The following NOX3 variants were observed in gnomAD, a reference collection of about 807,000 sequenced individuals.
NOX3 encodes the protein NADPH oxidase catalytic subunit-like 3.
A neutral mutation model predicts 76.7 loss-of-function variants in NOX3; 74 were observed. The ratio of observed to expected loss-of-function variants is 0.96; its 90% CI spans 0.80 to 1.17. The LOEUF (loss-of-function observed/expected upper bound fraction) is 1.17. NOX3 is among the 50% of genes most tolerant of loss of function. NOX3 has a pLI of 0.00. For missense variants in NOX3, 695 were observed against 703.3 expected, an observed-to-expected ratio of 0.99 and a Z score of 0.13; for synonymous variants, 263 against 261.1, an observed-to-expected ratio of 1.01 and a Z score of -0.07.
At chr6:155,411,921 C>T (rs143273558) in intron 10 of NOX3, among the ~76,000 whole-genome samples, 7 of 152,062 alleles carry the variant, frequency 4.6e-5, no homozygotes, top group East Asian at 1.9e-4. Flanking sequence ...TGGTGGGTGG[C>T]GGCTGTGCCT....
chr6:155,430,868 A>C lies in NOX3; in HGVS notation c.866T>G (p.Phe289Cys). 1.2e-6 allele frequency: 2 copies of C among 1,613,120 alleles called. No individual in the cohort carries two copies. Among genetic ancestry groups the C allele is most frequent in the South Asian group, 2.2e-5 (2 of 91,040 alleles). The part of the protein sequence containing the change: ...ACERIIRFWR[F>C]QQEVVITKVV... Reference sequence around the variant, plus strand: ...CTTGGTAATGACAACTTCTTGTTGAAATCGCCAGAACCTAATTATTCTTTC... The same window carrying C: ...CTTGGTAATGACAACTTCTTGTTGACATCGCCAGAACCTAATTATTCTTTC... Residue 289 changes from phenylalanine (F) to cysteine (C), a missense_variant, in exon 8 of 14, where the codon TTT becomes TGT. Transcript: ENST00000159060.
rs778272213 is a variant in NOX3, at chr6:155,428,764, A to T, written c.1145+30T>A. The T allele has an allele frequency of 2.7e-6, 4 of 1,465,820 alleles. No individual in the cohort carries two copies. The Admixed American group carries it at 9.5e-5, about 35-fold the overall frequency. The allele number at this position is 1,465,820 out of a possible 1,614,324, so 90.8% of individuals were successfully genotyped here. On this transcript the variant is annotated intron_variant, in intron 9 of 13. Transcript: ENST00000159060. The stretch of plus-strand genomic sequence containing the variant: ...GATACCTTACTTTTTATAATACTGC[A>T]ATTTATACATGAGAGAAATGGGCAC...
At chr6:155,437,998 T>A (rs1776933286) in intron 6 of NOX3, among the ~76,000 whole-genome samples, 1 of 152,232 alleles carries the variant, frequency 6.6e-6, no homozygotes, top group African/African-American at 2.4e-5. Flanking sequence ...AATTTCATCT[T>A]ATGAGATGTT....
In NOX3 at chr6:155,410,586, C is replaced by CA. The variant is rs1470632776; in HGVS notation, c.1455+627dup. 3.1e-4 allele frequency among the ~76,000 whole-genome samples: 47 copies of CA among 152,188 alleles called. 1 individual carries two copies. Among genetic ancestry groups the CA allele is most frequent in the Admixed American group, 3.0e-3 (46 of 15,284 alleles). On this transcript the variant is annotated intron_variant, in intron 11 of 13. Transcript: ENST00000159060. Reference sequence around the variant, plus strand: ...CTACCATAGTCAATATTTTGGTATACATTATTTTTGGTAAATTCAATCTTA... The same window carrying CA: ...CTACCATAGTCAATATTTTGGTATACAATTATTTTTGGTAAATTCAATCTTA...
intron 12 of NOX3, among the ~76,000 whole-genome samples, chr6:155,404,589 T>A (rs1377458921): frequency 6.6e-6 from 1 of 152,206 alleles, no homozygotes; most frequent in Non-Finnish European, 1.5e-5. Context: ...GTTGTGCAGC[T>A]GGTCCACGCC....
chr6:155,438,253 T>C (rs535279425), intron 6 of NOX3, among the ~76,000 whole-genome samples: 1 of 152,220 alleles, frequency 6.6e-6, no homozygotes, highest in Non-Finnish European at 1.5e-5. Flanking sequence ...GTCTCTGAGT[T>C]GGAACACACT....
intron 11 of NOX3, among the ~76,000 whole-genome samples, chr6:155,408,267 T>C (rs753706523): frequency 1.3e-4 from 20 of 152,200 alleles, no homozygotes; most frequent in Non-Finnish European, 2.6e-4. Flanking sequence ...ATTACAGGCA[T>C]GAGCCACTGC....
chr6:155,453,126 G>A (rs542060840), intron 4 of NOX3, among the ~76,000 whole-genome samples: 5 of 152,210 alleles, frequency 3.3e-5, no homozygotes, highest in East Asian at 1.9e-4. Context: ...CCTTTTTCAA[G>A]TAAGTATTTA....
At chr6:155,431,447 C>CACACACACACACACAG (rs3220975) in intron 7 of NOX3, among the ~76,000 whole-genome samples, 1 of 151,586 alleles carries the variant, frequency 6.6e-6, no homozygotes, top group African/African-American at 2.4e-5. Context: ...CACACACACA[C>CACACACACACACACAG]AGTTATTTGG....
chr6:155,419,624 G>C (rs549538295), intron 10 of NOX3, among the ~76,000 whole-genome samples: 3 of 151,874 alleles, frequency 2.0e-5, no homozygotes, highest in African/African-American at 7.3e-5. Context: ...TTACTCTACT[G>C]TTTCTGTTTC....
intron 6 of NOX3, among the ~76,000 whole-genome samples, chr6:155,437,651 G>A (rs1776926211): frequency 1.3e-5 from 2 of 152,218 alleles, no homozygotes; most frequent in South Asian, 2.1e-4. Context: ...AATAGTAAGT[G>A]AGAGTCAGAG....
intron 8 of NOX3, among the ~76,000 whole-genome samples, chr6:155,429,968 T>C (rs1386266374): frequency 6.6e-6 from 1 of 152,232 alleles, no homozygotes; most frequent in Non-Finnish European, 1.5e-5. Context: ...TAGCTTTTGA[T>C]ACAGCCTGAC....
rs558239818 is a variant in NOX3 at position 155,417,317 on chromosome 6, G to T, written c.1308+5377C>A. 1.3e-4 allele frequency among the ~76,000 whole-genome samples: 20 copies of T among 152,324 alleles called. No homozygotes were observed. The South Asian group carries it at 2.1e-3, about 16-fold the overall frequency. On this transcript the variant is annotated intron_variant, in intron 10 of 13. Transcript: ENST00000159060. ...AATGAGACATATTCAACTGTTTAAT[G>T]GTGAGTTTCTTAGGGAGCAAAGTTG...
chr6:155,400,225 C>T (rs1378875708), intron 12 of NOX3, among the ~76,000 whole-genome samples: 2 of 152,186 alleles, frequency 1.3e-5, no homozygotes, highest in South Asian at 2.1e-4. Flanking sequence ...GATATATGGG[C>T]GTGTGGGTGC....
rs1015972455 is a variant in NOX3, at chr6:155,454,308, A to C, written c.255+503T>G. On this transcript the variant is annotated intron_variant, in intron 3 of 13. Coordinates refer to ENST00000159060, the MANE Select transcript of NOX3 (RefSeq NM_015718.3). ...AGTTTTTGAAGGTCTCATTCTCTGC[A>C]TGCTATTTTGTTTGACAGGAAGCAC... 2.6e-5 allele frequency among the ~76,000 whole-genome samples: 4 copies of C among 152,222 alleles called. No homozygotes were observed. In the South Asian group the frequency reaches 8.3e-4, roughly 31 times the overall value.
chr6:155,418,590 C>A (rs1159648608), intron 10 of NOX3, among the ~76,000 whole-genome samples: 1 of 151,664 alleles, frequency 6.6e-6, no homozygotes, highest in Non-Finnish European at 1.5e-5. Context: ...CCACTCCCCG[C>A]CCCCTCCCAG....
chr6:155,443,019 C>T (rs1351269402), intron 5 of NOX3, among the ~76,000 whole-genome samples: 5 of 151,982 alleles, frequency 3.3e-5, no homozygotes, highest in Admixed American at 2.0e-4. Context: ...CAGGTTACTG[C>T]GTTTCTAGTG....
rs137953478 is a variant in NOX3, at chr6:155,436,528, T to C, written c.688A>G (p.Thr230Ala). The C allele has an allele frequency of 2.9e-5, 46 of 1,613,840 alleles. No individual in the cohort carries two copies. Among genetic ancestry groups the C allele is most frequent in the Non-Finnish European group, 3.8e-5 (45 of 1,179,968 alleles). The change falls in exon 7 of 14, where the codon ACC becomes GCC. Residue 230 changes from threonine (T) to alanine (A), a missense_variant. Transcript: ENST00000159060. ...HGTGRIVRGQTQDSLSLHNIT... is the reference protein window; with the variant it reads ...HGTGRIVRGQAQDSLSLHNIT... ...TTGTGCAGAGAGAGACTGTCTTGGG[T>C]TTGGCCTCGAACAATCCGACTTGTT...
chr6:155,450,799 C>T (rs1241152078), intron 4 of NOX3, among the ~76,000 whole-genome samples: 1 of 152,016 alleles, frequency 6.6e-6, no homozygotes, highest in Non-Finnish European at 1.5e-5. Context: ...GGGGATATGG[C>T]AGGAGATAAG....
Sources: allele counts gnomAD v4.1 joint callset (sites outside exome capture counted in the v4.1 genomes callset), GRCh38; gene constraint gnomAD v4.1.1; transcripts MANE v1.5; gene names NCBI Gene and HGNC (gene_info 2026-07-23, HGNC 2026-07-21).